STARD3NL: variants seen among roughly 807,000 people sequenced by gnomAD.
STARD3NL encodes STARD3 N-terminal-like protein.
A neutral mutation model predicts 30.9 loss-of-function variants in STARD3NL; 17 were observed. That is an observed-to-expected ratio of 0.55 (90% CI 0.38 to 0.82). STARD3NL has a LOEUF of 0.82. STARD3NL is among the 40% of genes least tolerant of loss of function. The pLI, the probability that STARD3NL is intolerant of heterozygous loss-of-function variation, is 0.00. For synonymous variants in STARD3NL, 112 were observed against 100.5 expected (o/e 1.11, Z -0.69); for missense variants, 234 against 277.6 (o/e 0.84, Z 1.12).
At chr7:38,197,959 G>C (rs1785001382) in intron 1 of STARD3NL, among the ~76,000 whole-genome samples, 1 of 152,158 alleles carries the variant, frequency 6.6e-6, no homozygotes, top group Non-Finnish European at 1.5e-5. Flanking sequence ...ATAACAGTGG[G>C]GGGCCTTGCA....
chr7:38,223,082 C>T (rs574852586), intron 7 of STARD3NL, among the ~76,000 whole-genome samples: 5 of 151,958 alleles, frequency 3.3e-5, no homozygotes, highest in African/African-American at 1.2e-4. Context: ...TCTTTTTTTC[C>T]TCCACCACCT....
rs1051145940 is a variant in STARD3NL, at chr7:38,230,561, G to C, written c.*656G>C. ...CATGAAATCATGTTTTTCTCTGATTGTTCTGAAATGTTCTAAATACTCTTA... is the reference window on the plus strand; with the variant it reads ...CATGAAATCATGTTTTTCTCTGATTCTTCTGAAATGTTCTAAATACTCTTA... On this transcript the variant is annotated 3_prime_UTR_variant, in exon 9 of 9. Transcript: ENST00000009041. The C allele has an allele frequency of 6.6e-6, 1 of 152,122 alleles. No individual in the cohort carries two copies. Among genetic ancestry groups the C allele is most frequent in the Admixed American group, 6.6e-5 (1 of 15,264 alleles). 9.4% of individuals were successfully genotyped at this position (152,122 alleles called of 1,614,324 possible).
At chr7:38,212,874 G>A (rs1785888742) in intron 2 of STARD3NL, among the ~76,000 whole-genome samples, 1 of 152,154 alleles carries the variant, frequency 6.6e-6, no homozygotes, top group Non-Finnish European at 1.5e-5. Flanking sequence ...GATTTTGTGT[G>A]AAACTAAAGA....
At chr7:38,179,984 G>A (rs1349053562) in intron 1 of STARD3NL, among the ~76,000 whole-genome samples, 3 of 152,222 alleles carry the variant, frequency 2.0e-5, no homozygotes, top group Non-Finnish European at 4.4e-5. Context: ...GTGAACCTAG[G>A]GGAGGGTGAG....
intron 1 of STARD3NL, among the ~76,000 whole-genome samples, chr7:38,186,230 C>T (rs930029236): frequency 1.6e-4 from 24 of 152,130 alleles, no homozygotes; most frequent in African/African-American, 5.3e-4. Context: ...TGATGGTTGA[C>T]AGAACTAATG....
rs533984271 is a variant in STARD3NL at position 38,193,285 on chromosome 7, G to T, written c.-58-14162G>T. 2.1e-3 allele frequency among the ~76,000 whole-genome samples: 309 copies of T among 149,336 alleles called. 1 individual carries two copies. The highest frequency in any genetic ancestry group is 7.1e-3 in the African/African-American group (288 of 40,614). On this transcript the variant is annotated intron_variant, in intron 1 of 8. Transcript: ENST00000009041. The stretch of plus-strand genomic sequence containing the variant: ...GTCCTCCTATTAGGATTAGTTTTTT[G>T]TTGTTGTTGTTGTTGTTGTTGTTGT...
At chr7:38,200,486 T>G (rs1369687624) in intron 1 of STARD3NL, among the ~76,000 whole-genome samples, 1 of 152,098 alleles carries the variant, frequency 6.6e-6, no homozygotes, top group Non-Finnish European at 1.5e-5. Flanking sequence ...CATTTAGAAG[T>G]GTATCTAGTA....
intron 4 of STARD3NL, chr7:38,215,375 C>T (rs888419185): frequency 1.7e-5 from 8 of 461,210 alleles, no homozygotes; most frequent in Admixed American, 7.7e-5. Context: ...CCAAGCCACC[C>T]TCTACCTCAT....
intron 7 of STARD3NL, among the ~76,000 whole-genome samples, chr7:38,220,165 C>T (rs1786369581): frequency 6.6e-6 from 1 of 152,224 alleles, no homozygotes. Context: ...GCTCCAACCT[C>T]ATTTCAGCAT....
At chr7:38,188,746 ACCC>A (rs1217523688) in intron 1 of STARD3NL, among the ~76,000 whole-genome samples, 1 of 152,216 alleles carries the variant, frequency 6.6e-6, no homozygotes, top group African/African-American at 2.4e-5. Context: ...ATATGCATTT[ACCC>A]AGCCATCTTT....
intron 2 of STARD3NL, among the ~76,000 whole-genome samples, chr7:38,212,833 A>G (rs755557111): frequency 6.6e-6 from 1 of 152,210 alleles, no homozygotes; most frequent in Non-Finnish European, 1.5e-5. Context: ...GATGAACTCT[A>G]GAAGAGTAGT....
chr7:38,194,951 A>G (rs1177578286), intron 1 of STARD3NL, among the ~76,000 whole-genome samples: 1 of 152,180 alleles, frequency 6.6e-6, no homozygotes, highest in Non-Finnish European at 1.5e-5. Context: ...TTGTGATTAT[A>G]ATCTTCCATT....
intron 4 of STARD3NL, 115 bp downstream of exon 4, chr7:38,215,220 G>A: frequency 7.6e-6 from 7 of 920,510 alleles, no homozygotes; most frequent in Non-Finnish European, 1.2e-5. Flanking sequence ...AATCCCACCA[G>A]CTTTCCTGAG....
chr7:38,189,119 A>ATGTGTG (rs56335057), intron 1 of STARD3NL, among the ~76,000 whole-genome samples: 3 of 150,398 alleles, frequency 2.0e-5, no homozygotes, highest in Admixed American at 6.6e-5. Context: ...GCAGCCTTGG[A>ATGTGTG]TGTGTGTGTG....
chr7:38,214,203 C>T (rs969448748), intron 2 of STARD3NL, among the ~76,000 whole-genome samples, 154 bp from the exon 3 acceptor site: 1 of 152,090 alleles, frequency 6.6e-6, no homozygotes, highest in African/African-American at 2.4e-5. Flanking sequence ...GCCATCTAGC[C>T]CTTTTCTATT....
intron 2 of STARD3NL, among the ~76,000 whole-genome samples, chr7:38,213,743 T>C (rs1785943039): frequency 6.6e-6 from 1 of 152,228 alleles, no homozygotes; most frequent in Non-Finnish European, 1.5e-5. Flanking sequence ...ACAGTAGCAT[T>C]GGGAGAGGAC....
chr7:38,184,408 G>C (rs1784370366), intron 1 of STARD3NL, among the ~76,000 whole-genome samples: 1 of 151,856 alleles, frequency 6.6e-6, no homozygotes, highest in South Asian at 2.1e-4. Flanking sequence ...AGGCTGTACA[G>C]GAAGCATGGC....
rs1011541915 is a variant in STARD3NL at position 38,219,643 on chromosome 7, C to T, written c.632C>T (p.Pro211Leu). 5 of 1,612,098 alleles carry T rather than the reference C, an allele frequency of 3.1e-6. No homozygotes were observed. Among genetic ancestry groups the T allele is most frequent in the Non-Finnish European group, 4.2e-6 (5 of 1,178,616 alleles). ...CTTTCTGATGGTCAGTTTTATTCCC[C>T]TCCTGAATCCGAAGCAGGTAAAAAA... ...GGLSDGQFYS[P>L]PESEAGSEEA... The change falls in exon 7 of 9, where the codon CCT (proline) becomes CTT (leucine). Residue 211 changes from proline to leucine, a missense_variant. Coordinates refer to ENST00000009041, the MANE Select transcript of STARD3NL (RefSeq NM_032016.4).
chr7:38,201,136 C>T (rs995876890), intron 1 of STARD3NL, among the ~76,000 whole-genome samples: 4 of 152,168 alleles, frequency 2.6e-5, no homozygotes, highest in Admixed American at 2.0e-4. Flanking sequence ...GAAAAGCAAG[C>T]TCACTCTCCT....
Sources: gnomAD v4.1 joint callset for allele counts (sites outside exome capture counted in the v4.1 genomes callset) on GRCh38, gnomAD v4.1.1 for gene constraint, MANE v1.5 for transcripts, NCBI Gene and HGNC (gene_info 2026-07-23, HGNC 2026-07-21) for gene names.